The following VPS36 variants were observed in gnomAD, a reference collection of about 807,000 sequenced individuals.
VPS36 encodes the protein vacuolar protein sorting 36 homolog.
A neutral mutation model predicts 63.5 loss-of-function variants in VPS36; 31 were observed. The ratio of observed to expected loss-of-function variants is 0.49; its 90% confidence interval spans 0.37 to 0.66. The LOEUF (loss-of-function observed/expected upper bound fraction) is 0.66, where lower values mean the gene tolerates loss of function less well. Among genes scored for constraint, VPS36 ranks in the 30% least tolerant of loss-of-function variants. VPS36 has a pLI of 0.00. For synonymous variants in VPS36, 138 were observed against 157.2 expected (o/e 0.88, Z 0.91); for missense variants, 338 against 463.7 (o/e 0.73, Z 2.49).
At position 52,434,837 on chromosome 13, in the gene VPS36, T is replaced by C. The variant is rs1388857874; in HGVS notation, c.397A>G (p.Asn133Asp). 15 of 1,614,078 alleles carry C rather than the reference T, an allele frequency of 9.3e-6. No individual in the cohort carries two copies. Among genetic ancestry groups the C allele is most frequent in the Non-Finnish European group, 1.3e-5 (15 of 1,180,014 alleles). The part of the protein sequence containing the change: ...SEEMTQRRWE[N>D]MPVSQSLQTN... ...TGTAATGACTGGGAAACTGGCATAT[T>C]CTCCCATCTTCTTTGTGTCATTTCC... The change falls in exon 5 of 14, where the codon AAT (asparagine) becomes GAT (aspartate). Residue 133 changes from asparagine (N) to aspartate (D), a missense_variant. Asn to Asp is a conservative substitution (Grantham distance 23, BLOSUM62 1). Transcript: ENST00000378060.
chr13:52,423,667 G>T, intron 9 of VPS36, 28 bp from the exon 10 acceptor site: 1 of 1,580,328 alleles, frequency 6.3e-7, no homozygotes. Context: ...TTTTAAAAAA[G>T]TATTATGTTA....
chr13:52,421,512 T>G (rs1168070484), intron 10 of VPS36, among the ~76,000 whole-genome samples: 1 of 151,000 alleles, frequency 6.6e-6, no homozygotes, highest in Non-Finnish European at 1.5e-5. Flanking sequence ...TTTTTCTGTT[T>G]CTGAGTAGGT....
At chr13:52,420,833 G>T (rs535029593) in intron 10 of VPS36, among the ~76,000 whole-genome samples, 18 of 151,982 alleles carry the variant, frequency 1.2e-4, no homozygotes, top group African/African-American at 4.3e-4. Flanking sequence ...TAAAAATTTG[G>T]GGGCCGGGCA....
intron 1 of VPS36, among the ~76,000 whole-genome samples, chr13:52,449,312 C>G (rs1483665852): frequency 1.3e-5 from 2 of 152,144 alleles, no homozygotes; most frequent in Non-Finnish European, 2.9e-5. Context: ...GCACTCCAGC[C>G]TGGCGATAGA....
At chr13:52,450,301 G>A (rs189506394) in intron 1 of VPS36, 198 bp downstream of exon 1, 14,585 of 1,162,548 alleles carry the variant, frequency 0.013, 178 homozygotes, top group Admixed American at 0.084. Context: ...GGAGGCAGCC[G>A]AGCGCCCCAC....
intron 1 of VPS36, among the ~76,000 whole-genome samples, chr13:52,446,219 T>A (rs1286987048): frequency 6.8e-6 from 1 of 147,976 alleles, no homozygotes; most frequent in Non-Finnish European, 1.5e-5. Context: ...TGAGCCAAGA[T>A]CGCACCACCG....
chr13:52,436,240 C>T (rs1265750215), intron 4 of VPS36, 50 bp downstream of exon 4: 31 of 1,298,204 alleles, frequency 2.4e-5, no homozygotes, highest in Non-Finnish European at 3.4e-5. Flanking sequence ...CACACACACA[C>T]ACACACACAC....
chr13:52,448,055 T>TA (rs1245401426), intron 1 of VPS36, among the ~76,000 whole-genome samples: 3 of 151,954 alleles, frequency 2.0e-5, no homozygotes, highest in South Asian at 2.1e-4. Flanking sequence ...TATTCGGGTT[T>TA]AAAAAAAATG....
intron 1 of VPS36, chr13:52,450,262 A>G (rs1958388412): frequency 1.8e-6 from 2 of 1,131,488 alleles, no homozygotes; most frequent in Non-Finnish European, 2.2e-6. Flanking sequence ...GCCTGCTGGG[A>G]ACCGTGCCAA....
chr13:52,445,939 C>G (rs1268322251), intron 1 of VPS36, among the ~76,000 whole-genome samples: 2 of 15,362 alleles, frequency 1.3e-4, no homozygotes, highest in African/African-American at 3.0e-4. Context: ...GACTCTATCT[C>G]AAAAAAAAAA....
At chr13:52,445,853 T>C (rs574874221) in intron 1 of VPS36, among the ~76,000 whole-genome samples, 2 of 115,768 alleles carry the variant, frequency 1.7e-5, no homozygotes, top group Non-Finnish European at 3.4e-5. Context: ...GGCAGGAGAA[T>C]GGCGTGAACC....
intron 9 of VPS36, 115 bp downstream of exon 9, chr13:52,425,817 C>A (rs1348003373): frequency 5.7e-6 from 6 of 1,060,028 alleles, no homozygotes; most frequent in South Asian, 3.1e-5. Flanking sequence ...AAAAAAAAAA[C>A]ATGTCAGTTG....
At chr13:52,418,207 T>A (rs900494223) in intron 10 of VPS36, 151 bp from the exon 11 acceptor site, 50 of 667,900 alleles carry the variant, frequency 7.5e-5, no homozygotes, top group East Asian at 1.5e-4. Context: ...AAGACTTCTA[T>A]TCCTTAAAGC....
chr13:52,415,602 T>A lies in VPS36; in HGVS notation c.*228A>T. On this transcript the variant is annotated 3_prime_UTR_variant, in exon 14 of 14. Transcript: ENST00000378060. ...AAGTTAAACTCTGAGGGTTCTGCAC[T>A]ATAGCATGATTTTAAATTCATATTG... The A allele has an allele frequency of 2.0e-6, 1 of 498,310 alleles. No homozygotes were observed. The highest frequency in any genetic ancestry group is 2.7e-5 in the South Asian group (1 of 37,624). The allele number at this position is 498,310 out of a possible 1,614,324, so 30.9% of individuals were successfully genotyped here.
At chr13:52,424,232 G>A (rs1958073906) in intron 9 of VPS36, among the ~76,000 whole-genome samples, 1 of 152,092 alleles carries the variant, frequency 6.6e-6, no homozygotes, top group Non-Finnish European at 1.5e-5. Context: ...ACATTTAAAT[G>A]TTTTAACTTA....
At position 52,424,017 on chromosome 13, in the gene VPS36, C is replaced by T. The variant is rs139622335; in HGVS notation, c.775-378G>A. 3.5e-4 allele frequency among the ~76,000 whole-genome samples: 53 copies of T among 152,130 alleles called. 1 individual carries two copies. Among genetic ancestry groups the T allele is most frequent in the African/African-American group, 1.2e-3 (49 of 41,504 alleles). On this transcript the variant is annotated intron_variant, in intron 9 of 13. Coordinates refer to ENST00000378060, the MANE Select transcript of VPS36 (RefSeq NM_016075.4). ...GCACTACAGGCATGCACCACCACAC[C>T]CAGCTAATTTTTTTGTATTTTTAGT...
intron 1 of VPS36, among the ~76,000 whole-genome samples, chr13:52,442,952 A>G (rs1237140619): frequency 6.6e-6 from 1 of 152,224 alleles, no homozygotes; most frequent in Non-Finnish European, 1.5e-5. Flanking sequence ...TCTACACTTT[A>G]CCCTGATTGA....
chr13:52,447,765 G>A (rs1958360202), intron 1 of VPS36, among the ~76,000 whole-genome samples: 1 of 151,126 alleles, frequency 6.6e-6, no homozygotes, highest in Admixed American at 6.7e-5. Flanking sequence ...TGACACCGGT[G>A]ACTGCTACAT....
intron 1 of VPS36, among the ~76,000 whole-genome samples, chr13:52,446,880 T>TC (rs1958348991): frequency 2.1e-5 from 1 of 48,502 alleles, no homozygotes; most frequent in South Asian, 6.1e-4. Context: ...CATGCCATAA[T>TC]TTTTTTTTTT....
Sources: gnomAD v4.1 joint callset for allele counts (sites outside exome capture counted in the v4.1 genomes callset) on GRCh38, gnomAD v4.1.1 for gene constraint, MANE v1.5 for transcripts, NCBI Gene and HGNC (gene_info 2026-07-23, HGNC 2026-07-21) for gene names.